THSD4: variants seen among roughly 807,000 people sequenced by gnomAD.
The protein encoded by THSD4 is thrombospondin type-1 domain-containing protein 4.
In THSD4, 69 loss-of-function variants were observed where a neutral mutation model predicts 119.0. The observed-to-expected ratio is 0.58, with a 90% CI of 0.48 to 0.71. The LOEUF (loss-of-function observed/expected upper bound fraction) is 0.71. Among genes scored for constraint, THSD4 ranks in the 30% least tolerant of loss-of-function variants. THSD4 has a pLI of 0.00. For synonymous variants in THSD4, 524 were observed against 540.4 expected, an observed-to-expected ratio of 0.97 and a Z score of 0.42; for missense variants, 1,393 against 1,391.1, an observed-to-expected ratio of 1.00 and a Z score of -0.02.
At chr15:71,351,288 C>G (rs1191212564) in intron 6 of THSD4, among the ~76,000 whole-genome samples, 1 of 152,136 alleles carries the variant, frequency 6.6e-6, no homozygotes, top group Non-Finnish European at 1.5e-5. Context: ...AGGAGCAGGA[C>G]CAATCTGATA....
chr15:71,381,214 A>G (rs2046224011), intron 6 of THSD4, among the ~76,000 whole-genome samples: 1 of 152,210 alleles, frequency 6.6e-6, no homozygotes, highest in South Asian at 2.1e-4. Context: ...GGCCTCCATG[A>G]GTCCACACTT....
Position 71,182,803 on chromosome 15 carries a change from C to A in THSD4, c.99+27871C>A, listed in dbSNP as rs138651596. Among the ~76,000 whole-genome samples the A allele has an allele frequency of 2.5e-3, 387 of 151,888 alleles. 2 individuals are homozygous for A. The highest frequency in any genetic ancestry group is 8.7e-3 in the African/African-American group (360 of 41,534). ...TGATGTAGGAATTTGGCAAGTGGAG[C>A]CTTCCCATGTCAGCTGTCTTCCTTC... On this transcript the variant is annotated intron_variant, in intron 3 of 17. Transcript: ENST00000261862.
intron 11 of THSD4, among the ~76,000 whole-genome samples, chr15:71,744,703 C>T (rs913759851): frequency 3.9e-5 from 6 of 152,184 alleles, no homozygotes; most frequent in Admixed American, 6.5e-5. Flanking sequence ...ATTTAGGACA[C>T]TTTCTCTTTG....
chr15:71,484,004 G>C (rs1008007722), intron 7 of THSD4, among the ~76,000 whole-genome samples: 5 of 152,128 alleles, frequency 3.3e-5, no homozygotes, highest in African/African-American at 1.2e-4. Flanking sequence ...CACAGGGTGT[G>C]AACAAGTGAG....
In THSD4 at chr15:71,706,088, T is replaced by C. The variant is rs149646898; in HGVS notation, c.1358-22461T>C. 6.6e-3 allele frequency among the ~76,000 whole-genome samples: 1,006 copies of C among 152,274 alleles called. 7 individuals carry two copies. The highest frequency in any genetic ancestry group is 0.022 in the African/African-American group (934 of 41,550). On this transcript the variant is annotated intron_variant, in intron 8 of 17. Coordinates refer to ENST00000261862, the MANE Select transcript of THSD4 (RefSeq NM_024817.3). ...GTGAGGAAACTGAGGTCGAGGCTGGTAAATGGCAGATTTTGAAATGGAGCT... is the reference window on the plus strand; with the variant it reads ...GTGAGGAAACTGAGGTCGAGGCTGGCAAATGGCAGATTTTGAAATGGAGCT...
chr15:71,486,384 T>A (rs138327971), intron 7 of THSD4, among the ~76,000 whole-genome samples: 9 of 152,330 alleles, frequency 5.9e-5, no homozygotes, highest in Non-Finnish European at 7.3e-5. Context: ...GAATGATGAT[T>A]TTACCCCACA....
intron 8 of THSD4, among the ~76,000 whole-genome samples, chr15:71,688,739 GTGTC>G (rs777312592): frequency 6.7e-6 from 1 of 149,402 alleles, no homozygotes; most frequent in Non-Finnish European, 1.5e-5. Flanking sequence ...GTGTGTGTGT[GTGTC>G]TGTGACAGAG....
In THSD4 at chr15:71,747,623, A is replaced by G. The variant is rs184835212; in HGVS notation, c.2241+581A>G. The stretch of plus-strand genomic sequence containing the variant: ...TTTTTCATTGGAGGGTACAGCACAG[A>G]GGTTGCAATCACTGGCTACAGATGA... On this transcript the variant is annotated intron_variant, in intron 13 of 17. Transcript: ENST00000261862. 3.3e-5 allele frequency among the ~76,000 whole-genome samples: 5 copies of G among 152,306 alleles called. No homozygotes were observed. The East Asian group carries it at 9.6e-4, about 29-fold the overall frequency.
chr15:71,664,811 C>A (rs2051383667), intron 8 of THSD4, among the ~76,000 whole-genome samples: 1 of 152,184 alleles, frequency 6.6e-6, no homozygotes, highest in Non-Finnish European at 1.5e-5. Flanking sequence ...CATGTTCCTG[C>A]AAAGGACATT....
intron 8 of THSD4, among the ~76,000 whole-genome samples, chr15:71,699,182 T>C (rs1441753805): frequency 6.7e-6 from 1 of 150,330 alleles, no homozygotes; most frequent in African/African-American, 2.4e-5. Flanking sequence ...CTAAAACTTA[T>C]CAAGGTGTAT....
chr15:71,446,782 A>C (rs1170156110), intron 7 of THSD4, among the ~76,000 whole-genome samples: 1 of 152,036 alleles, frequency 6.6e-6, no homozygotes, highest in African/African-American at 2.4e-5. Context: ...AGTTTTCAGG[A>C]TGTCTGCCAC....
At chr15:71,197,455 C>A (rs753120090) in intron 3 of THSD4, among the ~76,000 whole-genome samples, 15 of 152,174 alleles carry the variant, frequency 9.9e-5, no homozygotes, top group Non-Finnish European at 5.9e-5. Flanking sequence ...AGAACTCATG[C>A]CTTAAATGTG....
At chr15:71,125,042 C>T (rs980011833) in intron 1 of THSD4, among the ~76,000 whole-genome samples, 2 of 151,464 alleles carry the variant, frequency 1.3e-5, no homozygotes, top group African/African-American at 2.4e-5. Flanking sequence ...CAACTGCAAT[C>T]CAACCTGGGT....
At chr15:71,391,360 G>A (rs1244437370) in intron 6 of THSD4, among the ~76,000 whole-genome samples, 1 of 152,086 alleles carries the variant, frequency 6.6e-6, no homozygotes, top group Non-Finnish European at 1.5e-5. Context: ...AATTCTTTTT[G>A]TAGAGACAGG....
At chr15:71,415,861 A>G (rs1415782406) in intron 7 of THSD4, among the ~76,000 whole-genome samples, 2 of 152,076 alleles carry the variant, frequency 1.3e-5, no homozygotes. Flanking sequence ...CAGTGCTGCA[A>G]TCTTGGTTCA....
intron 7 of THSD4, among the ~76,000 whole-genome samples, chr15:71,473,871 A>G (rs1166268450): frequency 1.3e-5 from 2 of 152,228 alleles, no homozygotes; most frequent in Admixed American, 6.5e-5. Context: ...ACCTGGGCAC[A>G]TTCTTACTTA....
intron 7 of THSD4, among the ~76,000 whole-genome samples, chr15:71,639,508 T>G (rs1165570157): frequency 6.6e-6 from 1 of 152,184 alleles, no homozygotes; most frequent in Non-Finnish European, 1.5e-5. Context: ...GGAAGCCCAG[T>G]TGTAGTCGTA....
intron 8 of THSD4, among the ~76,000 whole-genome samples, chr15:71,662,451 G>T (rs1041012785): frequency 2.6e-5 from 4 of 152,096 alleles, no homozygotes; most frequent in Admixed American, 2.0e-4. Flanking sequence ...CCTTTCTTTT[G>T]TACTGCTATG....
rs560836855 is a variant in THSD4, at chr15:71,345,461, T to C, written c.1016-66226T>C. On this transcript the variant is annotated intron_variant, in intron 6 of 17. Coordinates refer to ENST00000261862, the MANE Select transcript of THSD4 (RefSeq NM_024817.3). ...GGTGCCGTCTGAAAGCAAATTAAGA[T>C]TTTTTTTAACTTAAACCAATTGGAT... 4.6e-5 allele frequency among the ~76,000 whole-genome samples: 7 copies of C among 152,086 alleles called. No homozygotes were observed. The South Asian group carries it at 6.2e-4, about 14-fold the overall frequency.
Sources: allele counts gnomAD v4.1 joint callset (sites outside exome capture counted in the v4.1 genomes callset), GRCh38; gene constraint gnomAD v4.1.1; transcripts MANE v1.5; gene names NCBI Gene and HGNC (gene_info 2026-07-23, HGNC 2026-07-21).